The following PTRH1 variants were observed in gnomAD, a reference collection of about 807,000 sequenced individuals.
The protein encoded by PTRH1 is peptidyl-tRNA hydrolase.
In PTRH1, 13 loss-of-function variants were observed where a neutral mutation model predicts 15.7. That is an observed-to-expected ratio of 0.83 (90% confidence interval 0.54 to 1.31). The LOEUF (loss-of-function observed/expected upper bound fraction) is 1.31. Ranked by LOEUF, PTRH1 falls within the 40% of genes most tolerant of loss-of-function variation. The pLI, the probability that PTRH1 is intolerant of heterozygous loss-of-function variation, is 0.00. For missense variants in PTRH1, 319 were observed against 296.2 expected (o/e 1.08, Z -0.56); for synonymous variants, 139 against 136.7 (o/e 1.02, Z -0.12).
downstream of PTRH1, chr9:127,712,993 CTG>C: frequency 6.2e-7 from 1 of 1,608,570 alleles, no homozygotes; most frequent in Non-Finnish European, 8.5e-7. Context: ...GCCGAAGGCT[CTG>C]TGACCCTCGG....
chr9:127,713,301 A>G, downstream of PTRH1: 1 of 942,022 alleles, frequency 1.1e-6, no homozygotes, highest in Non-Finnish European at 1.6e-6. Flanking sequence ...GGCCCTGGGG[A>G]TGTAACCAGA....
At chr9:127,714,881 G>A (rs550045) in intron 2 of PTRH1, 94 bp downstream of exon 2, 538,670 of 1,054,992 alleles carry the variant, frequency 0.51, 144,065 homozygotes, top group Middle Eastern at 0.61. Flanking sequence ...AGGTGAACCC[G>A]CGGATCTGTC....
chr9:127,714,464 GGCAGTGT>G (rs1842865082), intron 3 of PTRH1, 40 bp from the exon 4 acceptor site: 1 of 1,612,350 alleles, frequency 6.2e-7, no homozygotes, highest in South Asian at 1.1e-5. Context: ...GCCTCCCTGG[GGCAGTGT>G]CCTTCCACCC....
chr9:127,699,150 G>A (rs1282248411), intron 1 of PTRH1, among the ~76,000 whole-genome samples: 2 of 152,166 alleles, frequency 1.3e-5, no homozygotes, highest in Non-Finnish European at 2.9e-5. Context: ...CCAAAGTGCT[G>A]GCATTATAGG....
chr9:127,705,478 G>C lies in PTRH1; in HGVS notation c.205+9957C>G, dbSNP rs1842637395. 6.6e-6 allele frequency among the ~76,000 whole-genome samples: 1 copy of C among 152,246 alleles called. No individual in the cohort carries two copies. The highest frequency in any genetic ancestry group is 2.4e-5 in the African/African-American group (1 of 41,464). The stretch of plus-strand genomic sequence containing the variant: ...CACGTGGTGCTGACAAAGCCATCCT[G>C]GTGCTGATGAAGGCGAGGAGGGCAG... On this transcript the variant is annotated intron_variant, in intron 1 of 2. Transcript: ENST00000335223. The surrounding 1 kb of genome is among the most constrained non-coding windows in gnomAD (Gnocchi z 4.7).
At chr9:127,699,398 A>C (rs1179256619) in intron 1 of PTRH1, among the ~76,000 whole-genome samples, 1 of 152,216 alleles carries the variant, frequency 6.6e-6, no homozygotes, top group Non-Finnish European at 1.5e-5. Context: ...GGCGGATCAG[A>C]CGCGGCCTCG....
downstream of PTRH1, chr9:127,712,418 G>T: frequency 6.3e-7 from 1 of 1,578,740 alleles, no homozygotes; most frequent in Non-Finnish European, 8.6e-7. Context: ...GCTGCTTGCA[G>T]AGAAGGGGCT....
exon 2 of PTRH1, chr9:127,695,021 G>A (rs143829775): frequency 2.7e-5 from 19 of 702,684 alleles, no homozygotes; most frequent in East Asian, 8.1e-5. Flanking sequence ...AGCTGAGCCC[G>A]GCTCCCAGGA....
chr9:127,714,453 T>C (rs1407847202), intron 3 of PTRH1, 29 bp from the exon 4 acceptor site: 1 of 1,613,112 alleles, frequency 6.2e-7, no homozygotes, highest in African/African-American at 1.3e-5. Flanking sequence ...GGGCAGTTAG[T>C]GCCTCCCTGG....
chr9:127,701,403 G>A (rs1307880798), intron 1 of PTRH1, among the ~76,000 whole-genome samples: 1 of 152,180 alleles, frequency 6.6e-6, no homozygotes, highest in Non-Finnish European at 1.5e-5. Flanking sequence ...CATAGGAGCA[G>A]GGATCTATTA....
intron 1 of PTRH1, chr9:127,695,370 A>G (rs1047192416): frequency 4.2e-5 from 21 of 503,930 alleles, no homozygotes; most frequent in African/African-American, 2.9e-4. Flanking sequence ...TAAAGCTTCA[A>G]TGTTGCAGGC....
At position 127,714,121 on chromosome 9, in the gene PTRH1, CT is replaced by C. The variant is rs762432020; in HGVS notation, c.623del (p.Gln208ArgfsTer44). ...AGTGTCACGGCCCCAGTGAGGGCCC[CT>C]GGCTTCGCTCACGGATGTGGTCCAA... is the stretch of plus-strand genomic sequence containing the variant. ...LILDHIRERS[Q>X]GPSLGP On this transcript the variant is annotated frameshift_variant, in exon 5 of 5. Coordinates refer to ENST00000543175, the MANE Select transcript of PTRH1 (RefSeq NM_001002913.3). LOFTEE classifies it low-confidence loss of function (END_TRUNC). The C allele has an allele frequency of 3.3e-5, 53 of 1,613,276 alleles. No homozygotes were observed. Among genetic ancestry groups the C allele is most frequent in the Non-Finnish European group, 4.2e-5 (50 of 1,179,874 alleles).
chr9:127,709,299 T>C, downstream of PTRH1: 1 of 1,028,524 alleles, frequency 9.7e-7, no homozygotes, highest in Non-Finnish European at 1.4e-6. This position sits in a 1 kb window ranked among gnomAD's most constrained non-coding sequence, Gnocchi z 4.7. Flanking sequence ...GGCTGGATTC[T>C]GATCACAAGG....
downstream of PTRH1, among the ~76,000 whole-genome samples, chr9:127,710,907 G>T (rs986767347): frequency 7.2e-5 from 11 of 152,058 alleles, no homozygotes; most frequent in Non-Finnish European, 1.6e-4. Context: ...ATCCCAGCTG[G>T]TGATTATGGA....
At position 127,714,718 on chromosome 9, in the gene PTRH1, C is replaced by T; in HGVS notation, c.317-16G>A. ...AACAGCTCCGCTTAGCACAGGGAAACGGCAGCCCTGGTTACTGCCCATCTG... is the reference window on the plus strand; with the variant it reads ...AACAGCTCCGCTTAGCACAGGGAAATGGCAGCCCTGGTTACTGCCCATCTG... On this transcript the variant is annotated splice_polypyrimidine_tract_variant and intron_variant, in intron 2 of 4. Coordinates refer to ENST00000543175, the MANE Select transcript of PTRH1 (RefSeq NM_001002913.3). 2 of 1,599,404 alleles carry T rather than the reference C, an allele frequency of 1.3e-6. No individual in the cohort carries two copies. Among genetic ancestry groups the T allele is most frequent in the Admixed American group, 1.7e-5 (1 of 58,434 alleles).
Position 127,714,287 on chromosome 9 carries a change from G to A in PTRH1, c.463-5C>T. ...CACCCGCAGCCTTGGCATTGCCTGT[G>A]GGAGAGCCAGAGAGGCCCAGGAAGC... On this transcript the variant is annotated splice_region_variant and splice_polypyrimidine_tract_variant and intron_variant, in intron 4 of 4. Transcript: ENST00000543175. The A allele has an allele frequency of 3.1e-6, 5 of 1,613,974 alleles. No homozygotes were observed. The highest frequency in any genetic ancestry group is 4.2e-6 in the Non-Finnish European group (5 of 1,179,916).
chr9:127,700,734 A>G (rs1342004358), intron 1 of PTRH1, among the ~76,000 whole-genome samples: 1 of 152,208 alleles, frequency 6.6e-6, no homozygotes, highest in Non-Finnish European at 1.5e-5. Context: ...TCTAGCAGCT[A>G]AACAAGTTCT....
chr9:127,713,644 T>C, downstream of PTRH1: 1 of 487,892 alleles, frequency 2.0e-6, no homozygotes. Context: ...GTAGCAGGGA[T>C]TACAGGCATG....
At chr9:127,710,582 T>G, downstream of PTRH1, 1 of 1,568,882 alleles carries the variant, frequency 6.4e-7, no homozygotes, top group Non-Finnish European at 8.6e-7. Flanking sequence ...CATTGGGCCT[T>G]GTGCGCTGTG....
Sources: gnomAD v4.1 joint callset for allele counts (sites outside exome capture counted in the v4.1 genomes callset) on GRCh38, gnomAD v4.1.1 for gene constraint, Gnocchi (gnomAD v3.1) non-coding constraint, MANE v1.5 for transcripts, NCBI Gene and HGNC (gene_info 2026-07-23, HGNC 2026-07-21) for gene names.